The following ZNF516 variants were observed in gnomAD, a reference collection of about 807,000 sequenced individuals.
The protein encoded by ZNF516 is zinc finger protein 516.
A neutral mutation model predicts 79.7 loss-of-function variants in ZNF516; 19 were observed. The ratio of observed to expected loss-of-function variants is 0.24; its 90% CI spans 0.17 to 0.35. ZNF516 has a LOEUF of 0.35. Ranked by LOEUF, ZNF516 falls within the 10% of genes least tolerant of loss-of-function variation. The probability of loss-of-function intolerance (pLI) is 1.00; values close to 1 mark genes in which losing one functional copy is unlikely to be tolerated. For missense variants in ZNF516, 1,678 were observed against 1,679.5 expected (o/e 1.00, Z 0.02); for synonymous variants, 877 against 739.5 (o/e 1.19, Z -3.02).
At position 76,361,020 on chromosome 18, in the gene ZNF516, T is replaced by C. The variant is rs995450035; in HGVS notation, c.*1478A>G. 1.3e-5 allele frequency: 2 copies of C among 152,098 alleles called. No homozygotes were observed. The highest frequency in any genetic ancestry group is 2.1e-4 in the South Asian group (1 of 4,830). 9.4% of individuals were successfully genotyped at this position (152,098 alleles called of 1,614,324 possible). ...TAAAGGTTAGGATAATTTCTGTACA[T>C]GTAAAATTATTGCTTTTTTGAAAAA... On this transcript the variant is annotated 3_prime_UTR_variant, in exon 7 of 7. Transcript: ENST00000443185.
In ZNF516 at chr18:76,459,054, CTCAT is replaced by C. The variant is rs558950093; in HGVS notation, c.-158+3970_-158+3973del. 7.9e-5 allele frequency among the ~76,000 whole-genome samples: 12 copies of C among 152,314 alleles called. No individual in the cohort carries two copies. Among genetic ancestry groups the C allele is most frequent in the East Asian group, 3.9e-4 (2 of 5,176 alleles). On this transcript the variant is annotated intron_variant, in intron 2 of 6. Coordinates refer to ENST00000443185, the MANE Select transcript of ZNF516 (RefSeq NM_014643.4). The surrounding 1 kb of genome is among the most constrained non-coding windows in gnomAD (Gnocchi z 5.0). ...TGATCTCTTAACCTACATAAAAGCA[CTCAT>C]TCAAATACCCTACCTGGAGGCAAAC... is the stretch of plus-strand genomic sequence containing the variant.
At chr18:76,425,516 C>T (rs1463419180) in intron 3 of ZNF516, among the ~76,000 whole-genome samples, 3 of 152,204 alleles carry the variant, frequency 2.0e-5, no homozygotes, top group East Asian at 1.9e-4. Flanking sequence ...CACTGATTCC[C>T]CATCTCTTGT....
At chr18:76,480,581 G>A (rs1914469258) in intron 1 of ZNF516, among the ~76,000 whole-genome samples, 1 of 150,812 alleles carries the variant, frequency 6.6e-6, no homozygotes, top group Non-Finnish European at 1.5e-5. Flanking sequence ...GGAGTGCAGT[G>A]GTGTGATCTC....
At chr18:76,462,418 A>C (rs1913175003) in intron 2 of ZNF516, among the ~76,000 whole-genome samples, 2 of 152,236 alleles carry the variant, frequency 1.3e-5, no homozygotes, top group Non-Finnish European at 1.5e-5. Context: ...TTAGTTTAGA[A>C]ACATCGCCGT....
chr18:76,442,711 G>A lies in ZNF516; in HGVS notation c.344C>T (p.Ala115Val). Residue 115 changes from alanine (A) to valine (V), a missense_variant, in exon 3 of 7, where the codon GCC (alanine) becomes GTC (valine). Physicochemically the swap from Ala to Val is moderately conservative, Grantham distance 64 (BLOSUM62 0). Transcript: ENST00000443185. ...GGCCGAGGCGCTCTTGGTGGGGCTG[G>A]CGCAGGCGTCCAGGCCCTCGGAGGC... ...MRASEGLDAC[A>V]SPTKSASACN... 1.3e-6 allele frequency: 2 copies of A among 1,581,730 alleles called. No homozygotes were observed. Among genetic ancestry groups the A allele is most frequent in the Non-Finnish European group, 1.7e-6 (2 of 1,165,032 alleles).
At chr18:76,446,121 C>T (rs1912035092) in intron 2 of ZNF516, among the ~76,000 whole-genome samples, 1 of 151,974 alleles carries the variant, frequency 6.6e-6, no homozygotes, top group Non-Finnish European at 1.5e-5. Context: ...CTAGGCGTGT[C>T]CTTCACGCCC....
intron 6 of ZNF516, among the ~76,000 whole-genome samples, chr18:76,366,249 G>C (rs1367547464): frequency 6.6e-6 from 1 of 152,078 alleles, no homozygotes; most frequent in African/African-American, 2.4e-5. Context: ...GAATTGTTTT[G>C]CTGAGATAGA....
rs1469314249 is a variant in ZNF516 at position 76,467,036 on chromosome 18, C to T, written c.-271-3895G>A. 2.0e-5 allele frequency among the ~76,000 whole-genome samples: 3 copies of T among 152,268 alleles called. No individual in the cohort carries two copies. Among genetic ancestry groups the T allele is most frequent in the South Asian group, 2.1e-4 (1 of 4,828 alleles). ...CCCCAGAGAGGCAAAACCCAGGAGA[C>T]GCTGGCCTCTGGGAAGTAAAATCAG... is the stretch of plus-strand genomic sequence containing the variant. On this transcript the variant is annotated intron_variant, in intron 1 of 6. Transcript: ENST00000443185. This position sits in a 1 kb window ranked among gnomAD's most constrained non-coding sequence, Gnocchi z 4.2.
chr18:76,454,013 T>C (rs947603009), intron 2 of ZNF516, among the ~76,000 whole-genome samples: 2 of 152,222 alleles, frequency 1.3e-5, no homozygotes, highest in Non-Finnish European at 2.9e-5. Context: ...TTAATACCTA[T>C]CTGACATTCT....
intron 2 of ZNF516, among the ~76,000 whole-genome samples, chr18:76,447,238 C>T (rs1221440890): frequency 6.6e-6 from 1 of 152,226 alleles, no homozygotes; most frequent in East Asian, 1.9e-4. Context: ...TGGGCGGCCG[C>T]CCCAATTAGG....
chr18:76,380,707 A>C (rs1280009471), intron 3 of ZNF516, among the ~76,000 whole-genome samples: 1 of 152,186 alleles, frequency 6.6e-6, no homozygotes, highest in East Asian at 1.9e-4. Context: ...TGGAATCTTC[A>C]CAATCATTCA....
chr18:76,440,772 G>GCA (rs2075807034), intron 3 of ZNF516, among the ~76,000 whole-genome samples: 2 of 152,052 alleles, frequency 1.3e-5, no homozygotes, highest in African/African-American at 2.4e-5. Context: ...GCGCGCACGC[G>GCA]CGCATGCATC....
In ZNF516 at chr18:76,490,262, C is replaced by T. The variant is rs560903374; in HGVS notation, c.-272+4882G>A. On this transcript the variant is annotated intron_variant, in intron 1 of 6. Coordinates refer to ENST00000443185, the MANE Select transcript of ZNF516 (RefSeq NM_014643.4). The stretch of plus-strand genomic sequence containing the variant: ...CCCCTGACACCACGGCAGGCTCCTA[C>T]GCAACTTCACTCTCCAATTTTACTA... 1,120 of 924,300 alleles carry T rather than the reference C, an allele frequency of 1.2e-3. 1 individual carries two copies. Among genetic ancestry groups the T allele is most frequent in the Non-Finnish European group, 1.4e-3 (1,076 of 774,078 alleles). 57.3% of individuals were successfully genotyped at this position (924,300 alleles called of 1,614,324 possible).
At chr18:76,492,950 G>A (rs1179341113) in intron 1 of ZNF516, 21 of 985,518 alleles carry the variant, frequency 2.1e-5, no homozygotes, top group Non-Finnish European at 2.5e-5. Flanking sequence ...ACTTCACAGT[G>A]TGCAGACACA....
At position 76,379,003 on chromosome 18, in the gene ZNF516, G is replaced by T. The variant is rs757186966; in HGVS notation, c.3111C>A (p.Pro1037=). ...QAQPGVAGAP[P]VLHSIKQEPV... ...GCTCCTGTTTGATGGAGTGTAGGAC[G>T]GGGGGCGCCCCAGCCACGCCGGGCT... The change falls in exon 4 of 7, where the codon CCC becomes CCA. Residue 1037 remains proline, a synonymous_variant. Coordinates refer to ENST00000443185, the MANE Select transcript of ZNF516 (RefSeq NM_014643.4). The T allele has an allele frequency of 5.0e-6, 8 of 1,595,880 alleles. No homozygotes were observed. The highest frequency in any genetic ancestry group is 6.8e-6 in the Non-Finnish European group (8 of 1,171,324).
Position 76,442,113 on chromosome 18 carries a change from G to A in ZNF516, c.942C>T (p.Pro314=), listed in dbSNP as rs541624835. 2.5e-6 allele frequency: 4 copies of A among 1,613,854 alleles called. No individual in the cohort carries two copies. Among genetic ancestry groups the A allele is most frequent in the Admixed American group, 3.3e-5 (2 of 60,010 alleles). ...GGACCACGTTGTTGATGGTGGCGATGGGGTCCAGCTCACTCTTGGGCCTGT... is the reference window on the plus strand; with the variant it reads ...GGACCACGTTGTTGATGGTGGCGATAGGGTCCAGCTCACTCTTGGGCCTGT... ...SKNRPKSELD[P]IATINNVVQE... Residue 314 remains proline, a synonymous_variant, in exon 3 of 7, where the codon CCC becomes CCT. Coordinates refer to ENST00000443185, the MANE Select transcript of ZNF516 (RefSeq NM_014643.4).
intron 3 of ZNF516, among the ~76,000 whole-genome samples, chr18:76,431,054 A>T (rs933427240): frequency 2.0e-5 from 3 of 152,186 alleles, no homozygotes; most frequent in African/African-American, 7.2e-5. Context: ...ACAGACCTAA[A>T]ATGGCAATCC....
intron 6 of ZNF516, among the ~76,000 whole-genome samples, chr18:76,363,366 C>T (rs1287162575): frequency 6.6e-6 from 1 of 152,130 alleles, no homozygotes; most frequent in Non-Finnish European, 1.5e-5. Context: ...TCCAGCTATG[C>T]CTATAGGAAC....
chr18:76,403,300 A>G (rs532201626), intron 3 of ZNF516, among the ~76,000 whole-genome samples: 1 of 152,230 alleles, frequency 6.6e-6, no homozygotes, highest in Admixed American at 6.5e-5. Flanking sequence ...CTCTTCTCAT[A>G]CACATGCAGT....
Sources: allele counts gnomAD v4.1 joint callset (sites outside exome capture counted in the v4.1 genomes callset), GRCh38; gene constraint gnomAD v4.1.1; non-coding constraint Gnocchi (gnomAD v3.1); transcripts MANE v1.5; gene names NCBI Gene and HGNC (gene_info 2026-07-23, HGNC 2026-07-21).